The following RAB3GAP2 variants were observed in gnomAD, a reference collection of about 807,000 sequenced individuals.
RAB3GAP2 encodes the protein RAB3 GTPase activating non-catalytic protein subunit 2.
Under a neutral mutation model 185.3 loss-of-function variants are expected in RAB3GAP2, and 87 were observed. That is an observed-to-expected ratio of 0.47 (90% confidence interval 0.39 to 0.56). The LOEUF is 0.56. Among genes scored for constraint, RAB3GAP2 ranks in the 20% least tolerant of loss-of-function variants. RAB3GAP2 has a pLI of 0.00. For synonymous variants in RAB3GAP2, 554 were observed against 576.1 expected (o/e 0.96, Z 0.55); for missense variants, 1,492 against 1,638.2 (o/e 0.91, Z 1.54).
rs143285566 is a variant in RAB3GAP2 at position 220,156,815 on chromosome 1, T to C, written c.3555+455A>G. ...CTAGTTTTTGCCAGGGCAAAAATGA[T>C]GACATCGTTAATAAAATAACCAAGT... On this transcript the variant is annotated intron_variant, in intron 31 of 34. Coordinates refer to ENST00000358951, the MANE Select transcript of RAB3GAP2 (RefSeq NM_012414.4). Among the ~76,000 whole-genome samples the C allele has an allele frequency of 4.5e-3, 692 of 152,322 alleles. 3 individuals are homozygous for C. The highest frequency in any genetic ancestry group is 0.016 in the African/African-American group (649 of 41,564).
chr1:220,238,970 TATC>T lies in RAB3GAP2; in HGVS notation c.116-6110_116-6108del, dbSNP rs147826875. ...GCACACACATACACATACATAAAAG[TATC>T]ATAAGTACTTAATAAATATTTGCTA... On this transcript the variant is annotated intron_variant, in intron 1 of 34. Transcript: ENST00000358951. Among the ~76,000 whole-genome samples, 5 of 152,294 alleles carry T rather than the reference TATC, an allele frequency of 3.3e-5. No homozygotes were observed. In the East Asian group the frequency reaches 9.7e-4, roughly 29 times the overall value.
chr1:220,186,895 C>G (rs1658517092), intron 17 of RAB3GAP2, among the ~76,000 whole-genome samples: 2 of 152,170 alleles, frequency 1.3e-5, no homozygotes, highest in Admixed American at 1.3e-4. Context: ...CTTTCTACTA[C>G]AGATTTCTCA....
intron 1 of RAB3GAP2, among the ~76,000 whole-genome samples, chr1:220,260,413 C>A (rs1488245089): frequency 6.6e-6 from 1 of 152,066 alleles, no homozygotes; most frequent in Admixed American, 6.6e-5. Flanking sequence ...TACTATGCAG[C>A]CATAAAAAGA....
chr1:220,252,953 CA>C, intron 1 of RAB3GAP2, among the ~76,000 whole-genome samples: 1 of 152,336 alleles, frequency 6.6e-6, no homozygotes, highest in Non-Finnish European at 1.5e-5. Context: ...AGTTAAGACC[CA>C]CTGGCTTGGA....
chr1:220,272,418 C>G lies in RAB3GAP2; in HGVS notation c.-81G>C. The G allele has an allele frequency of 1.1e-6, 1 of 918,618 alleles. No individual in the cohort carries two copies. Among genetic ancestry groups the G allele is most frequent in the Admixed American group, 2.0e-5 (1 of 49,892 alleles). 56.9% of individuals were successfully genotyped at this position (918,618 alleles called of 1,614,324 possible). A position where few individuals can be genotyped will look rare whatever the true frequency, so the allele number is the denominator to read the frequency against. ...CCACCCCACTGCGGCCGCCACCGAG[C>G]CCCAATAGCTCTAGCCAAGCAGAAG... On this transcript the variant is annotated 5_prime_UTR_variant, in exon 1 of 35. Transcript: ENST00000358951.
chr1:220,261,830 G>T (rs996636514), intron 1 of RAB3GAP2, among the ~76,000 whole-genome samples: 3 of 152,116 alleles, frequency 2.0e-5, no homozygotes, highest in Non-Finnish European at 4.4e-5. Flanking sequence ...GCTGTAAATG[G>T]GTTGCAGGTG....
chr1:220,198,233 C>A (rs1658766996), intron 9 of RAB3GAP2, among the ~76,000 whole-genome samples: 1 of 152,146 alleles, frequency 6.6e-6, no homozygotes, highest in Admixed American at 6.5e-5. Context: ...ATTCTCTGCT[C>A]TTGAAGCAAA....
chr1:220,229,518 G>A (rs976466039), intron 2 of RAB3GAP2, among the ~76,000 whole-genome samples: 2 of 152,106 alleles, frequency 1.3e-5, no homozygotes, highest in South Asian at 2.1e-4. Flanking sequence ...CATTTTAGAT[G>A]AGCCAAAAAG....
chr1:220,254,081 A>T, intron 1 of RAB3GAP2: 1 of 1,613,908 alleles, frequency 6.2e-7, no homozygotes, highest in Non-Finnish European at 8.5e-7. Context: ...CTTGTTGATG[A>T]CTGGGACTTA....
intron 2 of RAB3GAP2, among the ~76,000 whole-genome samples, chr1:220,229,082 A>C (rs1418947261): frequency 1.3e-5 from 2 of 152,208 alleles, no homozygotes; most frequent in African/African-American, 4.8e-5. Context: ...GACATGCTTT[A>C]CAGGTCAGAT....
rs1657741690 is a variant in RAB3GAP2 at position 220,150,997 on chromosome 1, A to G, written c.*254T>C. The stretch of plus-strand genomic sequence containing the variant: ...AAAGCTACTTAAGTGTTTGAATTAG[A>G]AATAAACAGTAAAACATCTGTATTA... On this transcript the variant is annotated 3_prime_UTR_variant, in exon 35 of 35. Transcript: ENST00000358951. 2 of 442,610 alleles carry G rather than the reference A, an allele frequency of 4.5e-6. No individual in the cohort carries two copies. The highest frequency in any genetic ancestry group is 2.0e-5 in the African/African-American group (1 of 49,686). 27.4% of individuals were successfully genotyped at this position (442,610 alleles called of 1,614,324 possible). A position where few individuals can be genotyped will look rare whatever the true frequency, so the allele number is the denominator to read the frequency against.
chr1:220,155,954 C>CTT (rs548137265), intron 31 of RAB3GAP2, among the ~76,000 whole-genome samples: 1 of 144,544 alleles, frequency 6.9e-6, no homozygotes. Flanking sequence ...AAAATCTATA[C>CTT]TTTTTTTTTT....
At chr1:220,200,198 T>C (rs943161615) in intron 9 of RAB3GAP2, among the ~76,000 whole-genome samples, 3 of 152,186 alleles carry the variant, frequency 2.0e-5, no homozygotes, top group African/African-American at 7.2e-5. Flanking sequence ...CTACCTAGAA[T>C]GCTCTTCCTA....
chr1:220,196,111 G>T (rs1658718003), intron 10 of RAB3GAP2, 139 bp downstream of exon 10: 1 of 929,956 alleles, frequency 1.1e-6, no homozygotes, highest in Non-Finnish European at 1.7e-6. Context: ...AGCTAGTTGA[G>T]ATTAATTTTA....
At chr1:220,189,600 A>G in intron 17 of RAB3GAP2, 103 bp downstream of exon 17, 7 of 1,024,814 alleles carry the variant, frequency 6.8e-6, no homozygotes, top group South Asian at 3.7e-5. Flanking sequence ...TGAAAAGAAG[A>G]CTTCAGCCTC....
intron 1 of RAB3GAP2, among the ~76,000 whole-genome samples, chr1:220,233,735 C>G (rs1407214435): frequency 6.6e-6 from 1 of 152,010 alleles, no homozygotes; most frequent in African/African-American, 2.4e-5. Context: ...GAGTCTCACT[C>G]TGCTGTCCAG....
intron 19 of RAB3GAP2, 91 bp downstream of exon 19, chr1:220,183,945 T>C: frequency 1.7e-6 from 2 of 1,152,550 alleles, no homozygotes; most frequent in South Asian, 3.2e-5. Context: ...TAAAAAAAAT[T>C]CTTAATTTTC....
chr1:220,219,339 C>A (rs1053836543), intron 2 of RAB3GAP2: 1 of 152,166 alleles, frequency 6.6e-6, no homozygotes, highest in African/African-American at 2.4e-5. Flanking sequence ...GAGTGAAATT[C>A]CTCCTTTTCC....
chr1:220,151,947 C>T (rs1657765022), intron 33 of RAB3GAP2, among the ~76,000 whole-genome samples, 183 bp from the exon 34 acceptor site: 2 of 152,090 alleles, frequency 1.3e-5, no homozygotes, highest in African/African-American at 4.8e-5. Context: ...AATTTCTGTT[C>T]CTTGGTTAAT....
Sources: gnomAD v4.1 joint callset for allele counts (sites outside exome capture counted in the v4.1 genomes callset) on GRCh38, gnomAD v4.1.1 for gene constraint, MANE v1.5 for transcripts, NCBI Gene and HGNC (gene_info 2026-07-23, HGNC 2026-07-21) for gene names.